The following SORCS3 variants were observed in gnomAD, a reference collection of about 807,000 sequenced individuals.
SORCS3 encodes sortilin related VPS10 domain containing receptor 3.
A neutral mutation model predicts 146.3 loss-of-function variants in SORCS3; 57 were observed. That is an observed-to-expected ratio of 0.39 (90% CI 0.31 to 0.49). The LOEUF (loss-of-function observed/expected upper bound fraction) is 0.49, where lower values mean the gene tolerates loss of function less well. Among genes scored for constraint, SORCS3 ranks in the 20% least tolerant of loss-of-function variants. The probability of loss-of-function intolerance (pLI) is 0.92; values close to 1 mark genes in which losing one functional copy is unlikely to be tolerated. For synonymous variants in SORCS3, 653 were observed against 618.5 expected (o/e 1.06, Z -0.83); for missense variants, 1,341 against 1,575.5 (o/e 0.85, Z 2.52).
chr10:105,053,998 A>G (rs1219415806), intron 5 of SORCS3, among the ~76,000 whole-genome samples: 1 of 152,108 alleles, frequency 6.6e-6, no homozygotes, highest in East Asian at 1.9e-4. Flanking sequence ...CCACATAAAA[A>G]TTTAATTTAA....
At chr10:104,790,155 G>C (rs2017479877) in intron 1 of SORCS3, among the ~76,000 whole-genome samples, 1 of 152,192 alleles carries the variant, frequency 6.6e-6, no homozygotes, top group African/African-American at 2.4e-5. Flanking sequence ...ACATGATGCA[G>C]CAGACCCTGG....
intron 9 of SORCS3, among the ~76,000 whole-genome samples, chr10:105,149,231 G>T (rs77240420): frequency 6.6e-6 from 1 of 152,234 alleles, no homozygotes; most frequent in East Asian, 1.9e-4. Context: ...ATTTAAGATT[G>T]CACCTGTTCT....
intron 1 of SORCS3, among the ~76,000 whole-genome samples, chr10:104,720,208 T>C (rs531899902): frequency 1.3e-5 from 2 of 152,136 alleles, no homozygotes; most frequent in African/African-American, 2.4e-5. Flanking sequence ...TTCCCACCTA[T>C]GAGTGAGAAA....
intron 1 of SORCS3, among the ~76,000 whole-genome samples, chr10:104,821,124 G>A (rs10884049): frequency 0.36 from 55,116 of 151,950 alleles, 10,998 homozygotes; most frequent in East Asian, 0.66. Flanking sequence ...CTGCATCTTC[G>A]GGTTCCACAC....
chr10:105,192,178 A>G (rs2056520872), intron 14 of SORCS3, among the ~76,000 whole-genome samples: 1 of 152,160 alleles, frequency 6.6e-6, no homozygotes, highest in African/African-American at 2.4e-5. Context: ...TTCTTTATGA[A>G]TCATTTTGTT....
chr10:105,242,656 A>G (rs1379503994), intron 20 of SORCS3, among the ~76,000 whole-genome samples: 2 of 94,856 alleles, frequency 2.1e-5, no homozygotes, highest in Non-Finnish European at 3.8e-5. Context: ...ATATTTATAT[A>G]CATTTATATA....
At chr10:104,727,273 G>A (rs996488997) in intron 1 of SORCS3, among the ~76,000 whole-genome samples, 1 of 152,100 alleles carries the variant, frequency 6.6e-6, no homozygotes, top group African/African-American at 2.4e-5. Context: ...GATTTTTATT[G>A]TTTTGTTGAT....
At chr10:104,768,696 A>AT (rs2017210989) in intron 1 of SORCS3, among the ~76,000 whole-genome samples, 1 of 152,022 alleles carries the variant, frequency 6.6e-6, no homozygotes, top group Non-Finnish European at 1.5e-5. Context: ...GCTGATGGAG[A>AT]ATTTTCTCTT....
intron 1 of SORCS3, among the ~76,000 whole-genome samples, chr10:104,771,694 T>C (rs1272704440): frequency 1.3e-5 from 2 of 152,048 alleles, no homozygotes; most frequent in Non-Finnish European, 2.9e-5. Context: ...TTGGTACAAG[T>C]GCCAATGCAC....
At chr10:105,049,641 G>A (rs2055397520) in intron 5 of SORCS3, among the ~76,000 whole-genome samples, 1 of 152,092 alleles carries the variant, frequency 6.6e-6, no homozygotes, top group East Asian at 1.9e-4. Context: ...TACACATTTT[G>A]AAGAATAAAA....
intron 1 of SORCS3, among the ~76,000 whole-genome samples, chr10:104,754,459 A>G (rs1465565777): frequency 6.6e-6 from 1 of 152,178 alleles, no homozygotes; most frequent in Admixed American, 6.5e-5. Flanking sequence ...TTAGAGGGCA[A>G]CACTTTTGCT....
At chr10:105,031,070 G>T (rs1293738841) in intron 4 of SORCS3, among the ~76,000 whole-genome samples, 1 of 151,152 alleles carries the variant, frequency 6.6e-6, no homozygotes, top group East Asian at 2.0e-4. Flanking sequence ...CGAGGTGGGC[G>T]GATCACCTGA....
At position 104,969,020 on chromosome 10, in the gene SORCS3, C is replaced by T. The variant is rs116340866; in HGVS notation, c.796-8315C>T. On this transcript the variant is annotated intron_variant, in intron 3 of 26. Coordinates refer to ENST00000369701, the MANE Select transcript of SORCS3 (RefSeq NM_014978.3). Reference sequence around the variant, plus strand: ...ATTGGGATTTGAAATCCATGTGTAACAAGAAAAATTTGGGTGGACATGGGA... The same window carrying T: ...ATTGGGATTTGAAATCCATGTGTAATAAGAAAAATTTGGGTGGACATGGGA... Among the ~76,000 whole-genome samples, 338 of 152,264 alleles carry T rather than the reference C, an allele frequency of 2.2e-3. 2 individuals are homozygous for T. The highest frequency in any genetic ancestry group is 7.9e-3 in the African/African-American group (329 of 41,560).
chr10:104,791,345 G>T (rs977487125), intron 1 of SORCS3, among the ~76,000 whole-genome samples: 1 of 152,160 alleles, frequency 6.6e-6, no homozygotes, highest in East Asian at 1.9e-4. Flanking sequence ...TGTTGAACTC[G>T]ACAAACAGCC....
At position 104,850,743 on chromosome 10, in the gene SORCS3, C is replaced by T. The variant is rs899103216; in HGVS notation, c.695+7884C>T. On this transcript the variant is annotated intron_variant, in intron 2 of 26. Transcript: ENST00000369701. The stretch of plus-strand genomic sequence containing the variant: ...TTTCTTCACAAATAAAGGTATTAGA[C>T]GAAATGATCTTTTGAAACTCTTTCA... Among the ~76,000 whole-genome samples, 11 of 152,166 alleles carry T rather than the reference C, an allele frequency of 7.2e-5. 1 individual carries two copies. The highest frequency in any genetic ancestry group is 4.1e-4 in the South Asian group (2 of 4,822).
At chr10:105,125,708 C>CACACACACACACACACACAA (rs1564761149) in intron 7 of SORCS3, among the ~76,000 whole-genome samples, 4 of 151,628 alleles carry the variant, frequency 2.6e-5, no homozygotes, top group African/African-American at 9.7e-5. Flanking sequence ...CACACACACA[C>CACACACACACACACACACAA]AAAACAGGCA....
intron 4 of SORCS3, among the ~76,000 whole-genome samples, chr10:105,010,004 C>T (rs1228533224): frequency 2.6e-5 from 4 of 152,244 alleles, no homozygotes; most frequent in South Asian, 2.1e-4. Flanking sequence ...TAAGATTTGT[C>T]CCAAAGTCAA....
chr10:105,140,675 A>C (rs1022464421), intron 8 of SORCS3, among the ~76,000 whole-genome samples: 2 of 152,202 alleles, frequency 1.3e-5, no homozygotes, highest in African/African-American at 2.4e-5. Context: ...ATATATGCAT[A>C]GGCTCGATTT....
chr10:104,881,396 G>T (rs973762942), intron 2 of SORCS3, among the ~76,000 whole-genome samples: 14 of 152,186 alleles, frequency 9.2e-5, no homozygotes, highest in African/African-American at 3.1e-4. Flanking sequence ...AGTTGGGAAA[G>T]AAGCCCGTTA....
Sources: allele counts gnomAD v4.1 joint callset (sites outside exome capture counted in the v4.1 genomes callset), GRCh38; gene constraint gnomAD v4.1.1; transcripts MANE v1.5; gene names NCBI Gene and HGNC (gene_info 2026-07-23, HGNC 2026-07-21).